The following PAAF1 variants were observed in gnomAD, a reference collection of about 807,000 sequenced individuals.
The protein encoded by PAAF1 is proteasomal ATPase-associated factor 1.
PAAF1 carries 46 observed loss-of-function variants against 52.8 expected under a neutral mutation model. The ratio of observed to expected loss-of-function variants is 0.87; its 90% confidence interval spans 0.69 to 1.11. PAAF1 has a LOEUF of 1.11. Among genes scored for constraint, PAAF1 ranks in the 50% most tolerant of loss-of-function variants. PAAF1 has a pLI of 0.00. For missense variants in PAAF1, 424 were observed against 477.4 expected (o/e 0.89, Z 1.04); for synonymous variants, 178 against 172.8 (o/e 1.03, Z -0.24).
rs963296681 is a variant in PAAF1 at position 73,898,055 on chromosome 11, C to T, written c.283-1091C>T. 9.2e-5 allele frequency among the ~76,000 whole-genome samples: 14 copies of T among 152,266 alleles called. No homozygotes were observed. In the East Asian group the frequency reaches 1.7e-3, roughly 19 times the overall value. On this transcript the variant is annotated intron_variant, in intron 4 of 11. Transcript: ENST00000310571. ...AAAACCAGTCAGGCGTGGCGGCGCG[C>T]GCCTGCAATTGCAGGCACTCGGCAA...
chr11:73,888,919 A>T (rs549966541), intron 3 of PAAF1: 3 of 474,240 alleles, frequency 6.3e-6, no homozygotes, highest in Non-Finnish European at 1.1e-5. Context: ...AATCTATAAA[A>T]TACTACAGAA....
In PAAF1 at chr11:73,911,603, A is replaced by G. The variant is rs563035873; in HGVS notation, c.727+2010A>G. Among the ~76,000 whole-genome samples the G allele has an allele frequency of 4.6e-5, 7 of 150,686 alleles. No homozygotes were observed. In the South Asian group the frequency reaches 6.3e-4, roughly 14 times the overall value. ...GTACTTGACTGAAATGGCTGTTGTT[A>G]AAGTCACCAGTGACCTTCCTTTTTT... On this transcript the variant is annotated intron_variant, in intron 7 of 11. Coordinates refer to ENST00000310571, the MANE Select transcript of PAAF1 (RefSeq NM_025155.3).
intron 4 of PAAF1, among the ~76,000 whole-genome samples, chr11:73,894,664 T>TA (rs570011206): frequency 1.3e-4 from 19 of 147,558 alleles, no homozygotes; most frequent in Middle Eastern, 3.4e-3. Flanking sequence ...AAAATAAAAA[T>TA]AAAAAAAAAA....
At chr11:73,877,213 G>T (rs1948766498) in intron 1 of PAAF1, 145 bp downstream of exon 1, 1 of 838,836 alleles carries the variant, frequency 1.2e-6, no homozygotes. Flanking sequence ...TCCGGAAAAA[G>T]AAGTATCAAA....
intron 4 of PAAF1, among the ~76,000 whole-genome samples, chr11:73,897,235 GA>G (rs1273261275): frequency 6.0e-5 from 5 of 83,208 alleles, no homozygotes; most frequent in South Asian, 4.3e-4. Context: ...GCGGGGGGCT[GA>G]CCCCCCCCAC....
At chr11:73,885,207 C>A (rs551179235) in intron 2 of PAAF1, among the ~76,000 whole-genome samples, 1 of 151,730 alleles carries the variant, frequency 6.6e-6, no homozygotes, top group Non-Finnish European at 1.5e-5. Context: ...GGCGTGGTCT[C>A]GGCTCACTGC....
rs144254333 is a variant in PAAF1, at chr11:73,906,510, C to T, written c.533-2889C>T. ...GAGTGATCTGCCCGCCTCAGACTCC[C>T]AAAGTGCTGGGATTACAGTTGTGAG... On this transcript the variant is annotated intron_variant, in intron 6 of 11. Transcript: ENST00000310571. Among the ~76,000 whole-genome samples, 825 of 152,314 alleles carry T rather than the reference C, an allele frequency of 5.4e-3. 8 individuals are homozygous for T. The highest frequency in any genetic ancestry group is 0.018 in the African/African-American group (746 of 41,560).
At chr11:73,923,319 T>C (rs1345068526) in intron 10 of PAAF1, among the ~76,000 whole-genome samples, 1 of 152,148 alleles carries the variant, frequency 6.6e-6, no homozygotes, top group Non-Finnish European at 1.5e-5. Flanking sequence ...GGTCTTTATA[T>C]ATACAAAGTC....
At position 73,930,769 on chromosome 11, in the gene PAAF1, A is replaced by G. The variant is rs1262599775; in HGVS notation, c.*3407A>G. 3 of 149,710 alleles carry G rather than the reference A, an allele frequency of 2.0e-5. No individual in the cohort carries two copies. Among genetic ancestry groups the G allele is most frequent in the Non-Finnish European group, 3.0e-5 (2 of 67,516 alleles). 9.3% of individuals were successfully genotyped at this position (149,710 alleles called of 1,614,324 possible). ...CTCAAAAAAGAAAAAAAAAATATGT[A>G]TATATATATGTATATATATATATTT... On this transcript the variant is annotated 3_prime_UTR_variant, in exon 12 of 12. Coordinates refer to ENST00000310571, the MANE Select transcript of PAAF1 (RefSeq NM_025155.3).
At chr11:73,888,291 C>G (rs1017751096) in intron 3 of PAAF1, among the ~76,000 whole-genome samples, 1 of 152,100 alleles carries the variant, frequency 6.6e-6, no homozygotes, top group Non-Finnish European at 1.5e-5. Context: ...TGCCCATATC[C>G]AAGTAGTTCT....
chr11:73,923,076 A>G (rs1201129927), intron 10 of PAAF1, among the ~76,000 whole-genome samples: 1 of 152,248 alleles, frequency 6.6e-6, no homozygotes, highest in Non-Finnish European at 1.5e-5. Flanking sequence ...GTCTTCATAT[A>G]TTTTGAAATA....
At chr11:73,884,168 A>G (rs1948995478) in intron 2 of PAAF1, among the ~76,000 whole-genome samples, 2 of 152,136 alleles carry the variant, frequency 1.3e-5, no homozygotes, top group Admixed American at 1.3e-4. Context: ...TATTATATAG[A>G]GAAAACCAAG....
In PAAF1 at chr11:73,927,709, A is replaced by G. The variant is rs1950400905; in HGVS notation, c.*347A>G. The G allele has an allele frequency of 4.2e-6, 1 of 237,642 alleles. No individual in the cohort carries two copies. The highest frequency in any genetic ancestry group is 8.2e-6 in the Non-Finnish European group (1 of 122,370). The allele number at this position is 237,642 out of a possible 1,614,324, so 14.7% of individuals were successfully genotyped here. On this transcript the variant is annotated 3_prime_UTR_variant, in exon 12 of 12. Transcript: ENST00000310571. ...CTAAAGCCTGTTCTCTGGAGGAAATAAAGAAAATATGTTTGGAGGTGCCTG... is the reference window on the plus strand; with the variant it reads ...CTAAAGCCTGTTCTCTGGAGGAAATGAAGAAAATATGTTTGGAGGTGCCTG...
chr11:73,900,316 T>C lies in PAAF1; in HGVS notation c.428T>C (p.Phe143Ser), dbSNP rs376568654. 2.5e-6 allele frequency: 4 copies of C among 1,612,348 alleles called. No individual in the cohort carries two copies. In the African/African-American group the frequency reaches 5.3e-5, roughly 22 times the overall value. The change falls in exon 6 of 12, where the codon TTC becomes TCC. Residue 143 changes from phenylalanine to serine, a missense_variant. Physicochemically the swap from Phe to Ser is radical, Grantham distance 155. Coordinates refer to ENST00000310571, the MANE Select transcript of PAAF1 (RefSeq NM_025155.3). ...HVFDVNCCRFFPSGLVVLSGG... is the reference protein window; with the variant it reads ...HVFDVNCCRFSPSGLVVLSGG... ...TTTGATGTGAATTGTTGCAGGTTTT[T>C]CCCATCAGGCCTTGTGGTCCTGAGT...
At chr11:73,917,547 G>T (rs758086151) in intron 9 of PAAF1, among the ~76,000 whole-genome samples, 35 of 152,176 alleles carry the variant, frequency 2.3e-4, no homozygotes, top group Middle Eastern at 3.2e-3. Flanking sequence ...CATCAGGCTT[G>T]GTTCAAGGCA....
At chr11:73,879,749 T>C (rs1948841335) in intron 2 of PAAF1, 1 of 151,302 alleles carries the variant, frequency 6.6e-6, no homozygotes, top group Admixed American at 6.6e-5. Flanking sequence ...GGCATGCGCA[T>C]GTAGTCCCAG....
At chr11:73,922,414 G>A (rs1950245663) in intron 10 of PAAF1, among the ~76,000 whole-genome samples, 1 of 152,104 alleles carries the variant, frequency 6.6e-6, no homozygotes, top group African/African-American at 2.4e-5. Flanking sequence ...TTTTCCTTAA[G>A]AAAGAAGCTG....
intron 8 of PAAF1, among the ~76,000 whole-genome samples, chr11:73,916,066 A>AT (rs921117401): frequency 2.5e-4 from 38 of 150,648 alleles, no homozygotes; most frequent in Non-Finnish European, 4.6e-4. Flanking sequence ...AACTATAATA[A>AT]TTTTTTTTTT....
chr11:73,897,073 C>G (rs1949404444), intron 4 of PAAF1, among the ~76,000 whole-genome samples: 1 of 142,954 alleles, frequency 7.0e-6, no homozygotes, highest in Non-Finnish European at 1.5e-5. Context: ...GCGCCCCTCA[C>G]CTCCCAGACG....
Sources: gnomAD v4.1 joint callset for allele counts (sites outside exome capture counted in the v4.1 genomes callset) on GRCh38, gnomAD v4.1.1 for gene constraint, MANE v1.5 for transcripts, NCBI Gene and HGNC (gene_info 2026-07-23, HGNC 2026-07-21) for gene names.